The following DIAPH2 variants were observed in gnomAD, a reference collection of about 807,000 sequenced individuals.
DIAPH2 encodes protein diaphanous homolog 2.
A neutral mutation model predicts 92.7 loss-of-function variants in DIAPH2; 35 were observed. That is an observed-to-expected ratio of 0.38 (90% CI 0.29 to 0.50). The LOEUF (loss-of-function observed/expected upper bound fraction) is 0.50. Among genes scored for constraint, DIAPH2 ranks in the 20% least tolerant of loss-of-function variants. The probability of loss-of-function intolerance (pLI) is 0.94; values close to 1 mark genes in which losing one functional copy is unlikely to be tolerated. For synonymous variants in DIAPH2, 301 were observed against 280.4 expected (o/e 1.07, Z -0.73); for missense variants, 701 against 819.5 (o/e 0.86, Z 1.77).
chrX:97,426,185 T>C (rs2070061791), intron 25 of DIAPH2, among the ~76,000 whole-genome samples: 3 of 111,627 alleles, frequency 2.7e-5, no homozygotes, highest in African/African-American at 9.8e-5. Flanking sequence ...TTGACTGTAT[T>C]AATGCCTTCA....
intron 25 of DIAPH2, among the ~76,000 whole-genome samples, chrX:97,426,236 T>A (rs138784151): frequency 1.6e-4 from 18 of 110,607 alleles, no homozygotes; most frequent in African/African-American, 5.6e-4. Flanking sequence ...TCTGTTTAGT[T>A]CAGGATATGT....
chrX:96,815,453 A>G (rs771501528), intron 4 of DIAPH2, among the ~76,000 whole-genome samples: 2 of 111,796 alleles, frequency 1.8e-5, no homozygotes, highest in African/African-American at 3.2e-5. Context: ...TTGGCTAGGA[A>G]TTGGAAATCC....
intron 26 of DIAPH2, among the ~76,000 whole-genome samples, chrX:97,487,081 CAT>C (rs1213272339): frequency 8.9e-6 from 1 of 112,063 alleles, no homozygotes; most frequent in African/African-American, 3.2e-5. Context: ...CATGTTGTCA[CAT>C]ATGGCAGGAT....
chrX:97,117,646 T>A (rs1010100995), intron 21 of DIAPH2, among the ~76,000 whole-genome samples: 1 of 112,371 alleles, frequency 8.9e-6, no homozygotes. Context: ...ACTTATCAGA[T>A]GTATCTTGTA....
At chrX:97,564,283 C>T (rs1363442694) in intron 26 of DIAPH2, 2 of 112,119 alleles carry the variant, frequency 1.8e-5, no homozygotes, top group Non-Finnish European at 3.8e-5. Context: ...TAAATGCAAA[C>T]CTATTTACCA....
intron 23 of DIAPH2, among the ~76,000 whole-genome samples, chrX:97,269,751 A>ATTT (rs1318136033): frequency 1.1e-5 from 1 of 94,767 alleles, no homozygotes; most frequent in Non-Finnish European, 2.0e-5. Flanking sequence ...TACTATTTTT[A>ATTT]TTTTTTTTTT....
intron 17 of DIAPH2, among the ~76,000 whole-genome samples, chrX:97,036,097 C>G (rs2066408861): frequency 9.0e-6 from 1 of 111,199 alleles, no homozygotes; most frequent in African/African-American, 3.3e-5. Context: ...CAGTTTTATT[C>G]TAATTTGAGG....
At position 96,978,413 on chromosome X, in the gene DIAPH2, A is replaced by G. The variant is rs1307545396; in HGVS notation, c.2050+13206A>G. On this transcript the variant is annotated intron_variant, in intron 17 of 26. Coordinates refer to ENST00000324765, the MANE Select transcript of DIAPH2 (RefSeq NM_006729.5). ...TGTTCTTTTTAGAACAATGCTTATCATCTTGTAAAGTAGGTGTGCTGATTG... is the reference window on the plus strand; with the variant it reads ...TGTTCTTTTTAGAACAATGCTTATCGTCTTGTAAAGTAGGTGTGCTGATTG... Among the ~76,000 whole-genome samples the G allele has an allele frequency of 2.7e-5, 3 of 110,157 alleles. No individual in the cohort carries two copies. In the South Asian group the frequency reaches 1.2e-3, roughly 43 times the overall value.
chrX:96,895,211 G>T (rs1301986321), intron 5 of DIAPH2, among the ~76,000 whole-genome samples: 1 of 110,450 alleles, frequency 9.1e-6, no homozygotes, highest in Non-Finnish European at 1.9e-5. Context: ...CCCCGTGTTG[G>T]CCAGGCTGTT....
intron 26 of DIAPH2, among the ~76,000 whole-genome samples, chrX:97,512,359 C>T (rs2070903886): frequency 8.9e-6 from 1 of 112,296 alleles, no homozygotes; most frequent in Non-Finnish European, 1.9e-5. Flanking sequence ...GGTGATATCC[C>T]CTTTATCATT....
At chrX:96,756,337 A>C (rs181084541) in intron 3 of DIAPH2, among the ~76,000 whole-genome samples, 8 of 111,177 alleles carry the variant, frequency 7.2e-5, no homozygotes, top group Non-Finnish European at 1.1e-4. Flanking sequence ...TGTCCCTATA[A>C]ATTTGCCTAT....
intron 26 of DIAPH2, among the ~76,000 whole-genome samples, chrX:97,577,144 A>C (rs2071404209): frequency 8.9e-6 from 1 of 112,112 alleles, no homozygotes; most frequent in African/African-American, 3.2e-5. Context: ...CCCTAAGAAC[A>C]GAAAGCTGTC....
chrX:96,716,942 G>T (rs73250719), intron 1 of DIAPH2, among the ~76,000 whole-genome samples: 6,571 of 111,128 alleles, frequency 0.059, 207 homozygotes, highest in Middle Eastern at 0.16. Context: ...GTACTTAAGA[G>T]CTTATTTTAT....
intron 4 of DIAPH2, among the ~76,000 whole-genome samples, chrX:96,860,100 G>T (rs1217839759): frequency 8.9e-6 from 1 of 112,132 alleles, no homozygotes; most frequent in African/African-American, 3.2e-5. Flanking sequence ...ATCATAGACA[G>T]ATTAAAAGTA....
In DIAPH2 at chrX:97,114,714, C is replaced by T. The variant is rs1194296248; in HGVS notation, c.2350-12C>T. ...AAATGTATATTCTCATAGGGTATTT[C>T]TTATCTTACAGATGAGCTCTGTGAA... On this transcript the variant is annotated splice_polypyrimidine_tract_variant and intron_variant, in intron 20 of 26. Transcript: ENST00000324765. The T allele has an allele frequency of 5.0e-6, 6 of 1,194,175 alleles. No homozygotes were observed. Among genetic ancestry groups the T allele is most frequent in the Non-Finnish European group, 6.8e-6 (6 of 886,322 alleles).
chrX:97,153,803 T>C (rs918503152), intron 22 of DIAPH2, among the ~76,000 whole-genome samples: 5 of 111,314 alleles, frequency 4.5e-5, no homozygotes, highest in African/African-American at 1.6e-4. Context: ...GGAAGAATCA[T>C]TGTCCCCCAT....
chrX:96,999,837 G>GT lies in DIAPH2; in HGVS notation c.2050+34637dup, dbSNP rs779878347. On this transcript the variant is annotated intron_variant, in intron 17 of 26. Transcript: ENST00000324765. ...GGGAGGTAATTGAATCATAGAGGTG[G>GT]TTTTTTTCCCATGCTGTTCTCATGA... 1.7e-3 allele frequency among the ~76,000 whole-genome samples: 185 copies of GT among 111,141 alleles called. 1 individual carries two copies. The highest frequency in any genetic ancestry group is 2.6e-3 in the Non-Finnish European group (137 of 53,022).
intron 1 of DIAPH2, among the ~76,000 whole-genome samples, chrX:96,691,772 A>G (rs1207663295): frequency 4.4e-5 from 5 of 112,364 alleles, no homozygotes; most frequent in Admixed American, 2.8e-4. Flanking sequence ...CCAGCTGTAT[A>G]CAGTGTGGCC....
intron 1 of DIAPH2, among the ~76,000 whole-genome samples, chrX:96,727,295 A>C (rs910596642): frequency 3.6e-5 from 4 of 112,181 alleles, no homozygotes; most frequent in Non-Finnish European, 7.5e-5. Flanking sequence ...TGCCAACCCA[A>C]AGTCAGCTTT....
Sources: gnomAD v4.1 joint callset for allele counts (sites outside exome capture counted in the v4.1 genomes callset) on GRCh38, gnomAD v4.1.1 for gene constraint, MANE v1.5 for transcripts, NCBI Gene and HGNC (gene_info 2026-07-23, HGNC 2026-07-21) for gene names.